The following EPG5 variants were observed in gnomAD, a reference collection of about 807,000 sequenced individuals.
EPG5 encodes ectopic P-granules 5 autophagy tethering factor.
A neutral mutation model predicts 302.7 loss-of-function variants in EPG5; 159 were observed. That is an observed-to-expected ratio of 0.53 (90% CI 0.46 to 0.60). EPG5 has a LOEUF of 0.60. Ranked by LOEUF, EPG5 falls within the 20% of genes least tolerant of loss-of-function variation. The pLI, the probability that EPG5 is intolerant of heterozygous loss-of-function variation, is 0.00. For missense variants in EPG5, 2,896 were observed against 3,092.4 expected (o/e 0.94, Z 1.51); for synonymous variants, 1,158 against 1,136.8 (o/e 1.02, Z -0.37).
At chr18:45,844,231 T>G (rs1264442890), downstream of EPG5, among the ~76,000 whole-genome samples, 1 of 152,026 alleles carries the variant, frequency 6.6e-6, no homozygotes, top group Non-Finnish European at 1.5e-5. Flanking sequence ...ATTGAACTCA[T>G]GGAGTAATAG....
the EPG5 span, among the ~76,000 whole-genome samples, chr18:45,818,732 CTTTT>C: frequency 1.8e-5 from 2 of 111,422 alleles, no homozygotes; most frequent in Admixed American, 1.1e-4. Flanking sequence ...TTTTGCATAA[CTTTT>C]TTTTTTTTTT....
rs1172741057 is a variant in EPG5 at position 45,876,276 on chromosome 18, C to G, written c.6009G>C (p.Leu2003=). 1 of 1,614,048 alleles carries G rather than the reference C, an allele frequency of 6.2e-7. No homozygotes were observed. The highest frequency in any genetic ancestry group is 1.7e-5 in the Admixed American group (1 of 60,022). The change falls in exon 35 of 44, where the codon CTG becomes CTC. Residue 2003 remains leucine, a synonymous_variant. Coordinates refer to ENST00000282041, the MANE Select transcript of EPG5 (RefSeq NM_020964.3). Reference sequence around the variant, plus strand: ...GCAGTGAGTCAATACAGTCAGTGAACAGCTGCACAATGCTTGAGGCCACCA... The same window carrying G: ...GCAGTGAGTCAATACAGTCAGTGAAGAGCTGCACAATGCTTGAGGCCACCA... The part of the protein sequence containing the change: ...DTVVASSIVQ[L]FTDCIDSLHE...
At chr18:45,814,789 G>T in the EPG5 span, among the ~76,000 whole-genome samples, 1 of 152,312 alleles carries the variant, frequency 6.6e-6, no homozygotes, top group South Asian at 2.1e-4. Flanking sequence ...CTGGCCAGGT[G>T]TTTACAGTGA....
the EPG5 span, among the ~76,000 whole-genome samples, chr18:45,827,121 G>T: frequency 6.6e-6 from 1 of 152,158 alleles, no homozygotes; most frequent in African/African-American, 2.4e-5. Flanking sequence ...TTGCCACGTT[G>T]TCCAGCCTGG....
Position 45,916,162 on chromosome 18 carries a change from A to C in EPG5, c.3429T>G (p.Val1143=). ...VSTQPNEVGP[V]AVLEFWVQAL... ...CCTGAACCCAGAACTCCAACACAGC[A>C]ACGGGGCCCACTTCATTGGGCTGAG... is the stretch of plus-strand genomic sequence containing the variant. Residue 1143 remains valine (V), a synonymous_variant, in exon 19 of 44, where the codon GTT becomes GTG. Coordinates refer to ENST00000282041, the MANE Select transcript of EPG5 (RefSeq NM_020964.3). The C allele has an allele frequency of 6.2e-7, 1 of 1,614,060 alleles. No homozygotes were observed. Among genetic ancestry groups the C allele is most frequent in the Non-Finnish European group, 8.5e-7 (1 of 1,179,954 alleles).
rs749984909 is a variant in EPG5, at chr18:45,887,869, CCAG to C, written c.4988_4990del (p.Pro1663_Gly1664delinsArg). ...AAGGCTAATGCCAACTTTCTGAATC[CCAG>C]GTGTAGGCTGCAACTTGTAGGCATT... On this transcript the variant is annotated inframe_deletion, in exon 29 of 44. Transcript: ENST00000282041. 1 of 1,596,142 alleles carries C rather than the reference CCAG, an allele frequency of 6.3e-7. No individual in the cohort carries two copies. Among genetic ancestry groups the C allele is most frequent in the South Asian group, 1.1e-5 (1 of 89,478 alleles).
At chr18:45,815,419 G>GA in the EPG5 span, among the ~76,000 whole-genome samples, 32 of 145,450 alleles carry the variant, frequency 2.2e-4, no homozygotes, top group Admixed American at 8.9e-4. Flanking sequence ...AAAAATATTT[G>GA]AAAAAAAAAA....
At position 45,928,248 on chromosome 18, in the gene EPG5, T is replaced by A. The variant is rs1599591843; in HGVS notation, c.2553+621A>T. Among the ~76,000 whole-genome samples, 11 of 150,658 alleles carry A rather than the reference T, an allele frequency of 7.3e-5. No individual in the cohort carries two copies. The South Asian group carries it at 2.3e-3, about 32-fold the overall frequency. ...AAAAGTGATAGCTGAAGTCTAAGGGTTTTTGAGGTGATGAAAATGCTCTAA... is the reference window on the plus strand; with the variant it reads ...AAAAGTGATAGCTGAAGTCTAAGGGATTTTGAGGTGATGAAAATGCTCTAA... On this transcript the variant is annotated intron_variant, in intron 13 of 43. Transcript: ENST00000282041.
chr18:45,938,290 G>A (rs1017117847), intron 10 of EPG5, among the ~76,000 whole-genome samples: 1 of 151,892 alleles, frequency 6.6e-6, no homozygotes, highest in South Asian at 2.1e-4. Context: ...GTGAAACCCC[G>A]TCTCTACTAC....
chr18:45,858,659 T>G lies in EPG5; in HGVS notation c.7133A>C (p.Tyr2378Ser). The G allele has an allele frequency of 6.2e-7, 1 of 1,614,144 alleles. No individual in the cohort carries two copies. Among genetic ancestry groups the G allele is most frequent in the Non-Finnish European group, 8.5e-7 (1 of 1,180,020 alleles). ...TLGSYLTLYV[Y>S]LLQCLNSEQT... ...TTCGCTGTTTAAACACTGAAGCAAG[T>G]AGACGTAAAGAGTCAAGTAACTGCC... The change falls in exon 41 of 44, where the codon TAC becomes TCC. Residue 2378 changes from tyrosine (Y) to serine (S), a missense_variant. Around this residue, in one of 5 missense-constraint regions of EPG5, gnomAD observed 620 missense variants for 704.2 expected, o/e 0.88. Coordinates refer to ENST00000282041, the MANE Select transcript of EPG5 (RefSeq NM_020964.3).
At chr18:45,872,417 A>C (rs376501469) in intron 35 of EPG5, among the ~76,000 whole-genome samples, 18 of 152,336 alleles carry the variant, frequency 1.2e-4, no homozygotes, top group African/African-American at 4.3e-4. Flanking sequence ...AAAAATGGCC[A>C]ACGAGGCTGT....
At chr18:45,879,975 T>C in intron 32 of EPG5, 100 bp downstream of exon 32, 1 of 1,319,112 alleles carries the variant, frequency 7.6e-7, no homozygotes, top group Non-Finnish European at 1.0e-6. Flanking sequence ...AACACATGGC[T>C]CTTAAAGATA....
chr18:45,911,070 TCTATCTATAC>T (rs1203656111), intron 22 of EPG5, among the ~76,000 whole-genome samples: 2 of 139,136 alleles, frequency 1.4e-5, no homozygotes, highest in East Asian at 2.1e-4. Flanking sequence ...TATCTATCTA[TCTATCTATAC>T]ACACACACAC....
chr18:45,865,765 C>CA lies in EPG5; in HGVS notation c.6622-7dup, dbSNP rs11333207. ...TGGCATTTTGGAACTGCATCCTGAC[C>CA]AAAAAAAAAAAAAAAAATCATTCAA... is the stretch of plus-strand genomic sequence containing the variant. On this transcript the variant is annotated splice_region_variant and splice_polypyrimidine_tract_variant and intron_variant, in intron 38 of 43. Transcript: ENST00000282041. 117,766 of 1,378,268 alleles carry CA rather than the reference C, an allele frequency of 0.085. 258 individuals are homozygous for CA. Among genetic ancestry groups the CA allele is most frequent in the Non-Finnish European group, 0.097 (101,326 of 1,047,382 alleles). 85.4% of individuals were successfully genotyped at this position (1,378,268 alleles called of 1,614,324 possible).
At chr18:45,819,042 T>A in the EPG5 span, among the ~76,000 whole-genome samples, 1 of 152,314 alleles carries the variant, frequency 6.6e-6, no homozygotes, top group African/African-American at 2.4e-5. Context: ...CCTAAACTTT[T>A]AAATAGTCAA....
the EPG5 span, among the ~76,000 whole-genome samples, chr18:45,840,418 G>A: frequency 6.6e-6 from 1 of 152,112 alleles, no homozygotes; most frequent in African/African-American, 2.4e-5. Flanking sequence ...GCCTGCCAAG[G>A]TCTTCCCTGG....
chr18:45,863,758 C>CT (rs1317453287), intron 39 of EPG5, among the ~76,000 whole-genome samples: 1 of 152,224 alleles, frequency 6.6e-6, no homozygotes, highest in Non-Finnish European at 1.5e-5. Flanking sequence ...GAGAAGTCAG[C>CT]TGTCAGTCTA....
chr18:45,846,067 C>T (rs1233950898), downstream of EPG5, among the ~76,000 whole-genome samples: 1 of 152,088 alleles, frequency 6.6e-6, no homozygotes, highest in Non-Finnish European at 1.5e-5. Flanking sequence ...GGTGCTTGGT[C>T]CCCCACCAGT....
chr18:45,857,211 G>T (rs2048533611), intron 42 of EPG5, among the ~76,000 whole-genome samples: 1 of 152,138 alleles, frequency 6.6e-6, no homozygotes, highest in Admixed American at 6.6e-5. Context: ...CCGGGTTCAA[G>T]CGATTCTCCC....
Sources: allele counts gnomAD v4.1 joint callset (sites outside exome capture counted in the v4.1 genomes callset), GRCh38; gene constraint gnomAD v4.1.1; regional missense constraint gnomAD v4.1.1; transcripts MANE v1.5; gene names NCBI Gene and HGNC (gene_info 2026-07-23, HGNC 2026-07-21).